The following DOCK9 variants were observed in gnomAD, a reference collection of about 807,000 sequenced individuals.
The protein encoded by DOCK9 is dedicator of cytokinesis 9.
In DOCK9, 89 loss-of-function variants were observed where a neutral mutation model predicts 263.3. The ratio of observed to expected loss-of-function variants is 0.34; its 90% CI spans 0.28 to 0.40. The LOEUF is 0.40. Among genes scored for constraint, DOCK9 ranks in the 10% least tolerant of loss-of-function variants. DOCK9 has a pLI of 1.00. For missense variants in DOCK9, 2,140 were observed against 2,603.4 expected (o/e 0.82, Z 3.87); for synonymous variants, 976 against 973.1 (o/e 1.00, Z -0.06).
At chr13:98,938,286 A>G (rs1312613876) in intron 2 of DOCK9, among the ~76,000 whole-genome samples, 1 of 152,230 alleles carries the variant, frequency 6.6e-6, no homozygotes, top group Non-Finnish European at 1.5e-5. Context: ...TTGAGTTGAG[A>G]GCCAGGAAAC....
At chr13:99,047,761 G>C (rs1382979962) in intron 1 of DOCK9, among the ~76,000 whole-genome samples, 1 of 151,906 alleles carries the variant, frequency 6.6e-6, no homozygotes, top group African/African-American at 2.4e-5. Context: ...GACTTCAGGC[G>C]ATCCACCCAC....
intron 1 of DOCK9, among the ~76,000 whole-genome samples, chr13:99,074,506 G>A (rs1465754220): frequency 6.6e-6 from 1 of 152,234 alleles, no homozygotes; most frequent in Non-Finnish European, 1.5e-5. Flanking sequence ...CCAGAGAAGA[G>A]ACATGAATAT....
At chr13:98,900,127 T>C (rs1316884502) in intron 13 of DOCK9, among the ~76,000 whole-genome samples, 1 of 151,522 alleles carries the variant, frequency 6.6e-6, no homozygotes, top group East Asian at 1.9e-4. Context: ...GAAAAGTAAA[T>C]GCATGAATAA....
rs140104418 is a variant in DOCK9, at chr13:99,053,822, G to A, written c.129+32401C>T. Reference sequence around the variant, plus strand: ...ACTTGAGGGTTATTACAAGAGGAGCGAAGCACCCCACACCCTCCACCTCCC... The same window carrying A: ...ACTTGAGGGTTATTACAAGAGGAGCAAAGCACCCCACACCCTCCACCTCCC... On this transcript the variant is annotated intron_variant, in intron 1 of 32. Transcript: ENST00000427887. 9.5e-3 allele frequency among the ~76,000 whole-genome samples: 1,438 copies of A among 152,112 alleles called. 11 individuals carry two copies. The highest frequency in any genetic ancestry group is 0.017 in the Middle Eastern group (5 of 294).
chr13:98,903,370 G>A (rs1186360788), intron 10 of DOCK9, among the ~76,000 whole-genome samples: 1 of 152,042 alleles, frequency 6.6e-6, no homozygotes, highest in East Asian at 1.9e-4. Flanking sequence ...GAGGCTGGCG[G>A]CTCACCAGGT....
chr13:98,852,585 C>A (rs2093603885), intron 35 of DOCK9, among the ~76,000 whole-genome samples: 1 of 152,190 alleles, frequency 6.6e-6, no homozygotes, highest in African/African-American at 2.4e-5. Flanking sequence ...CCTTCAGGTT[C>A]TCAAAAAATG....
At chr13:99,034,586 G>C (rs1004603858) in intron 1 of DOCK9, among the ~76,000 whole-genome samples, 1 of 152,124 alleles carries the variant, frequency 6.6e-6, no homozygotes, top group Non-Finnish European at 1.5e-5. Context: ...GGTGCCATGA[G>C]GATGGAGAGG....
intron 30 of DOCK9, among the ~76,000 whole-genome samples, chr13:98,864,488 C>T (rs866868790): frequency 3.9e-5 from 6 of 152,122 alleles, no homozygotes; most frequent in Admixed American, 6.5e-5. Flanking sequence ...TAAATCTAGC[C>T]AAAATATGGG....
chr13:98,808,807 T>A, intron 47 of DOCK9: 1 of 700,070 alleles, frequency 1.4e-6, no homozygotes, highest in South Asian at 2.1e-5. Flanking sequence ...AGGTTAAAAT[T>A]TAAGTTAAAT....
At chr13:99,067,629 A>G (rs2142342157) in intron 1 of DOCK9, among the ~76,000 whole-genome samples, 1 of 152,334 alleles carries the variant, frequency 6.6e-6, no homozygotes, top group South Asian at 2.1e-4. Context: ...AATCAACTCC[A>G]GGCTGGTCAG....
intron 1 of DOCK9, among the ~76,000 whole-genome samples, chr13:99,014,364 T>C (rs192204230): frequency 2.6e-5 from 4 of 152,348 alleles, no homozygotes; most frequent in East Asian, 3.9e-4. Context: ...ACAGTTAATA[T>C]AGCACCACTT....
At chr13:98,949,886 T>C in intron 2 of DOCK9, 1 of 483,286 alleles carries the variant, frequency 2.1e-6, no homozygotes, top group East Asian at 5.4e-5. Context: ...CAATTTCATG[T>C]ATGAGGTCTC....
At chr13:99,023,040 T>C (rs547331146) in intron 1 of DOCK9, among the ~76,000 whole-genome samples, 4 of 152,232 alleles carry the variant, frequency 2.6e-5, no homozygotes, top group Non-Finnish European at 5.9e-5. Flanking sequence ...GCAGCTGTTA[T>C]GGAAAGCAGT....
chr13:98,973,177 G>A (rs1451983944), intron 1 of DOCK9, among the ~76,000 whole-genome samples: 2 of 151,902 alleles, frequency 1.3e-5, no homozygotes, highest in Admixed American at 6.6e-5. Context: ...TGTCTCTAAG[G>A]GTGCAGGAAA....
At chr13:98,927,024 G>A (rs1290299052) in intron 3 of DOCK9, among the ~76,000 whole-genome samples, 1 of 152,248 alleles carries the variant, frequency 6.6e-6, no homozygotes, top group Non-Finnish European at 1.5e-5. Flanking sequence ...ACAGCAGCAA[G>A]TGCTTATTTT....
At chr13:98,999,316 A>ACACACACACACACTCTCTCTCTCTCTCT in intron 1 of DOCK9, among the ~76,000 whole-genome samples, 2 of 138,366 alleles carry the variant, frequency 1.4e-5, no homozygotes, top group South Asian at 2.7e-4. Context: ...ACACACACAC[A>ACACACACACACACTCTCTCTCTCTCTCT]CTCTCTCTCT....
rs1266013026 is a variant in DOCK9, at chr13:98,883,913, G to A, written c.2383-14C>T. ...CGGACCATAATGCTAAAAAAAATAT[G>A]GAAGAAACAATATCCCTACAGATTA... is the stretch of plus-strand genomic sequence containing the variant. On this transcript the variant is annotated splice_polypyrimidine_tract_variant and intron_variant, in intron 21 of 52. Transcript: ENST00000682017. 6.3e-7 allele frequency: 1 copy of A among 1,579,702 alleles called. No homozygotes were observed. Among genetic ancestry groups the A allele is most frequent in the African/African-American group, 1.4e-5 (1 of 74,006 alleles).
At chr13:98,870,337 A>G (rs1317913380) in intron 27 of DOCK9, among the ~76,000 whole-genome samples, 1 of 152,240 alleles carries the variant, frequency 6.6e-6, no homozygotes, top group African/African-American at 2.4e-5. Flanking sequence ...CCAACTTTAA[A>G]AAACAGAATG....
At chr13:98,956,902 G>A (rs753045400) in intron 1 of DOCK9, among the ~76,000 whole-genome samples, 7 of 151,992 alleles carry the variant, frequency 4.6e-5, no homozygotes, top group Admixed American at 1.3e-4. Flanking sequence ...AGGATATTTC[G>A]TATGTGGCAT....
Sources: allele counts gnomAD v4.1 joint callset (sites outside exome capture counted in the v4.1 genomes callset), GRCh38; gene constraint gnomAD v4.1.1; transcripts MANE v1.5; gene names NCBI Gene and HGNC (gene_info 2026-07-23, HGNC 2026-07-21).